ELAVL2: variants seen among roughly 807,000 people sequenced by gnomAD.
ELAVL2 encodes the protein ELAV-like protein 2.
Under a neutral mutation model 34.6 loss-of-function variants are expected in ELAVL2, and 4 were observed. The observed-to-expected ratio is 0.12, with a 90% CI of 0.06 to 0.26. The LOEUF is 0.26. Among genes scored for constraint, ELAVL2 ranks in the 10% least tolerant of loss-of-function variants. The pLI is 1.00. For missense variants in ELAVL2, 432 were observed against 442.8 expected (o/e 0.98, Z 0.22); for synonymous variants, 193 against 154.8 (o/e 1.25, Z -1.83).
chr9:23,840,128 G>A, the ELAVL2 span, among the ~76,000 whole-genome samples: 1 of 152,132 alleles, frequency 6.6e-6, no homozygotes, highest in African/African-American at 2.4e-5. Flanking sequence ...ACCTCTCTAA[G>A]CCTCAACTTT....
chr9:23,695,777 TATG>T (rs1297448645), intron 5 of ELAVL2, among the ~76,000 whole-genome samples: 1 of 152,226 alleles, frequency 6.6e-6, no homozygotes, highest in Non-Finnish European at 1.5e-5. Context: ...TTAGGATGAC[TATG>T]ATATCACTAG....
intron 1 of ELAVL2, among the ~76,000 whole-genome samples, chr9:23,776,714 T>C (rs2136547761): frequency 7.4e-6 from 1 of 135,650 alleles, no homozygotes; most frequent in Non-Finnish European, 1.5e-5. Flanking sequence ...CTTCTCTACC[T>C]GACCTATGCT....
At chr9:23,752,727 T>A (rs1325071545) in intron 2 of ELAVL2, among the ~76,000 whole-genome samples, 1 of 152,190 alleles carries the variant, frequency 6.6e-6, no homozygotes, top group Non-Finnish European at 1.5e-5. Flanking sequence ...AGTGCTGGAA[T>A]TACAGGCATG....
intron 5 of ELAVL2, among the ~76,000 whole-genome samples, chr9:23,697,695 T>C (rs1352211577): frequency 6.6e-6 from 1 of 151,778 alleles, no homozygotes; most frequent in Non-Finnish European, 1.5e-5. Flanking sequence ...TGTTCATAAG[T>C]AGAAAATAAA....
intron 1 of ELAVL2, among the ~76,000 whole-genome samples, chr9:23,792,595 C>T (rs2060452105): frequency 6.6e-6 from 1 of 152,146 alleles, no homozygotes; most frequent in Non-Finnish European, 1.5e-5. Context: ...CTATCACTTG[C>T]TCAAATACCA....
At chr9:23,787,102 G>T (rs2059783864) in intron 1 of ELAVL2, among the ~76,000 whole-genome samples, 2 of 152,164 alleles carry the variant, frequency 1.3e-5, no homozygotes, top group Non-Finnish European at 2.9e-5. Flanking sequence ...ATGTGAGAAA[G>T]AATATGAGCA....
At chr9:23,809,648 T>C (rs2062717300) in intron 1 of ELAVL2, among the ~76,000 whole-genome samples, 1 of 152,318 alleles carries the variant, frequency 6.6e-6, no homozygotes, top group East Asian at 1.9e-4. Flanking sequence ...TTATTATCTC[T>C]ATTCCAGACT....
At chr9:23,821,703 G>A (rs2064776827) in intron 1 of ELAVL2, 1 of 150,164 alleles carries the variant, frequency 6.7e-6, no homozygotes. Context: ...GAGAGGCGGT[G>A]GCGGCGGCGG....
intron 2 of ELAVL2, among the ~76,000 whole-genome samples, chr9:23,736,890 C>A (rs1056613964): frequency 6.6e-6 from 1 of 152,132 alleles, no homozygotes; most frequent in Non-Finnish European, 1.5e-5. Context: ...TCTTCCACCA[C>A]TCCTACACAT....
intron 2 of ELAVL2, 118 bp from the exon 3 acceptor site, chr9:23,731,243 A>G: frequency 1.4e-6 from 1 of 713,664 alleles, no homozygotes; most frequent in Middle Eastern, 2.5e-4. Flanking sequence ...AACAGTAAAA[A>G]GAACTCTCTA....
rs1408084511 is a variant in ELAVL2 at position 23,702,402 on chromosome 9, A to G, written c.488-798T>C. 2.6e-5 allele frequency among the ~76,000 whole-genome samples: 4 copies of G among 152,266 alleles called. No individual in the cohort carries two copies. In the East Asian group the frequency reaches 5.8e-4, roughly 22 times the overall value. On this transcript the variant is annotated intron_variant, in intron 4 of 6. Coordinates refer to ENST00000397312, the MANE Select transcript of ELAVL2 (RefSeq NM_004432.5). Reference sequence around the variant, plus strand: ...CCCCAGTGTGAAAGACACAAATGGGAAAGGATAGCCAAGAACCTTTCCAGG... The same window carrying G: ...CCCCAGTGTGAAAGACACAAATGGGGAAGGATAGCCAAGAACCTTTCCAGG...
intron 1 of ELAVL2, among the ~76,000 whole-genome samples, chr9:23,793,018 C>G (rs1453164177): frequency 6.6e-6 from 1 of 152,132 alleles, no homozygotes; most frequent in Non-Finnish European, 1.5e-5. Flanking sequence ...CTCAAGCAAT[C>G]CCTCCCCGCA....
rs376408000 is a variant in ELAVL2, at chr9:23,762,053, C to T, written c.182G>A (p.Ser61Asn). Reference protein sequence around the residue: ...TQEELKSLFGSIGEIESCKLV... With the variant: ...TQEELKSLFGNIGEIESCKLV... ...CTTACAGGACTCTATTTCACCAATG[C>T]TCCCAAAGAGACTCTTTAGTTCCTC... Residue 61 changes from serine to asparagine, a missense_variant, in exon 2 of 7, where the codon AGC (serine) becomes AAC (asparagine). Ser to Asn is a conservative substitution (Grantham distance 46, BLOSUM62 1). This residue lies in a region of ELAVL2 where 132 missense variants were observed against 118.3 expected (regional missense o/e 1.12). Transcript: ENST00000397312. The T allele has an allele frequency of 1.2e-6, 2 of 1,613,224 alleles. No homozygotes were observed. Among genetic ancestry groups the T allele is most frequent in the African/African-American group, 1.3e-5 (1 of 74,862 alleles).
At chr9:23,788,508 T>C (rs2059964463) in intron 1 of ELAVL2, among the ~76,000 whole-genome samples, 1 of 152,194 alleles carries the variant, frequency 6.6e-6, no homozygotes, top group Non-Finnish European at 1.5e-5. Flanking sequence ...ATTTCTAAAC[T>C]GGGCCCAGTA....
chr9:23,801,052 G>C (rs552979157), intron 1 of ELAVL2, among the ~76,000 whole-genome samples: 1 of 152,168 alleles, frequency 6.6e-6, no homozygotes, highest in Non-Finnish European at 1.5e-5. Context: ...GAACTGTACA[G>C]CAACTGTCCT....
At chr9:23,792,704 A>C (rs1234262975) in intron 1 of ELAVL2, among the ~76,000 whole-genome samples, 1 of 152,210 alleles carries the variant, frequency 6.6e-6, no homozygotes, top group East Asian at 1.9e-4. Context: ...ACCCTGCATA[A>C]GGTCAAAATG....
intron 1 of ELAVL2, among the ~76,000 whole-genome samples, chr9:23,769,947 C>G (rs2057002827): frequency 1.3e-5 from 2 of 152,128 alleles, no homozygotes; most frequent in Admixed American, 1.3e-4. Context: ...AAGTCCTTCT[C>G]TTCAGTCTAA....
intron 3 of ELAVL2, among the ~76,000 whole-genome samples, chr9:23,721,296 T>C (rs1363305336): frequency 1.3e-5 from 2 of 152,358 alleles, no homozygotes; most frequent in East Asian, 3.9e-4. Flanking sequence ...CTTGATTCTA[T>C]GAAGTTAGGA....
At chr9:23,835,563 C>A in the ELAVL2 span, among the ~76,000 whole-genome samples, 1 of 152,048 alleles carries the variant, frequency 6.6e-6, no homozygotes, top group South Asian at 2.1e-4. Context: ...TAGAGGTAGA[C>A]TATATAAAGG....
Sources: gnomAD v4.1 joint callset for allele counts (sites outside exome capture counted in the v4.1 genomes callset) on GRCh38, gnomAD v4.1.1 for gene constraint, gnomAD v4.1.1 regional missense constraint, MANE v1.5 for transcripts, NCBI Gene and HGNC (gene_info 2026-07-23, HGNC 2026-07-21) for gene names.